NEDD4L: variants seen among roughly 807,000 people sequenced by gnomAD.
NEDD4L encodes the protein E3 ubiquitin-protein ligase NEDD4-like.
In NEDD4L, 54 loss-of-function variants were observed where a neutral mutation model predicts 148.9. That is an observed-to-expected ratio of 0.36 (90% CI 0.29 to 0.45). The LOEUF (loss-of-function observed/expected upper bound fraction) is 0.45. Among genes scored for constraint, NEDD4L ranks in the 20% least tolerant of loss-of-function variants. The pLI is 1.00. For missense variants in NEDD4L, 856 were observed against 1,233.8 expected (o/e 0.69, Z 4.59); for synonymous variants, 433 against 440.7 (o/e 0.98, Z 0.22).
intron 18 of NEDD4L, among the ~76,000 whole-genome samples, chr18:58,354,873 A>G (rs1390547084): frequency 6.6e-6 from 1 of 152,216 alleles, no homozygotes; most frequent in East Asian, 1.9e-4. Context: ...GATGACAAAC[A>G]CTGAGTAGGA....
chr18:58,126,770 G>C (rs1002545207), intron 1 of NEDD4L, among the ~76,000 whole-genome samples: 1 of 152,190 alleles, frequency 6.6e-6, no homozygotes, highest in Non-Finnish European at 1.5e-5. Flanking sequence ...CCAGCAGTCG[G>C]TTACCCTTTT....
chr18:58,293,399 T>G (rs995334825), intron 5 of NEDD4L, among the ~76,000 whole-genome samples: 53 of 152,242 alleles, frequency 3.5e-4, no homozygotes, highest in African/African-American at 1.3e-3. Context: ...TCTTCTGGAA[T>G]AGTAATAAAT....
intron 5 of NEDD4L, among the ~76,000 whole-genome samples, chr18:58,290,637 C>T (rs1224770036): frequency 1.3e-5 from 2 of 151,354 alleles, no homozygotes; most frequent in South Asian, 4.2e-4. Context: ...TGCAATGTCT[C>T]CTACAAATTA....
At chr18:58,171,704 C>G (rs1423549041) in intron 2 of NEDD4L, among the ~76,000 whole-genome samples, 1 of 152,184 alleles carries the variant, frequency 6.6e-6, no homozygotes, top group Non-Finnish European at 1.5e-5. Context: ...GTACTTTTTT[C>G]TCATTGTCAT....
At chr18:58,254,456 T>G (rs918029176) in intron 5 of NEDD4L, among the ~76,000 whole-genome samples, 16 of 151,832 alleles carry the variant, frequency 1.1e-4, no homozygotes, top group Non-Finnish European at 2.1e-4. Flanking sequence ...ATAGTAAGAT[T>G]CCATATTTGT....
chr18:58,063,869 T>C (rs1599013789), intron 1 of NEDD4L, among the ~76,000 whole-genome samples: 1 of 151,814 alleles, frequency 6.6e-6, no homozygotes, highest in Non-Finnish European at 1.5e-5. Flanking sequence ...GCAGTATTTT[T>C]AAGCTTCGGT....
chr18:58,368,237 C>T (rs903409016), intron 22 of NEDD4L, among the ~76,000 whole-genome samples: 11 of 128,266 alleles, frequency 8.6e-5, no homozygotes, highest in Admixed American at 3.0e-4. Context: ...GTGATTATTG[C>T]GTTTGTCCCC....
At chr18:58,114,154 C>CTT (rs1351761608) in intron 1 of NEDD4L, among the ~76,000 whole-genome samples, 1 of 152,136 alleles carries the variant, frequency 6.6e-6, no homozygotes, top group Non-Finnish European at 1.5e-5. Context: ...TTAAACAACT[C>CTT]TGAGTGACCC....
chr18:58,150,569 C>G (rs1030756231), intron 1 of NEDD4L, among the ~76,000 whole-genome samples: 5 of 150,878 alleles, frequency 3.3e-5, no homozygotes, highest in African/African-American at 1.2e-4. Context: ...ACTTTTGTTT[C>G]CTGTGCTTAA....
At chr18:58,119,095 C>A (rs1303938253) in intron 1 of NEDD4L, among the ~76,000 whole-genome samples, 1 of 152,214 alleles carries the variant, frequency 6.6e-6, no homozygotes, top group Non-Finnish European at 1.5e-5. Flanking sequence ...TCTCTTTAAT[C>A]CAAGCCAGTC....
At chr18:58,175,356 G>A (rs535377158) in intron 2 of NEDD4L, among the ~76,000 whole-genome samples, 1 of 152,326 alleles carries the variant, frequency 6.6e-6, no homozygotes, top group Admixed American at 6.5e-5. Flanking sequence ...TTGCTGACAC[G>A]TGGCCATGAG....
intron 5 of NEDD4L, among the ~76,000 whole-genome samples, chr18:58,257,587 C>T (rs1340794004): frequency 6.6e-6 from 1 of 152,120 alleles, no homozygotes; most frequent in African/African-American, 2.4e-5. Context: ...AGTAAGTACC[C>T]TGTCTCCAGC....
At chr18:58,275,123 T>C (rs1189308783) in intron 5 of NEDD4L, among the ~76,000 whole-genome samples, 1 of 152,262 alleles carries the variant, frequency 6.6e-6, no homozygotes, top group Non-Finnish European at 1.5e-5. Flanking sequence ...GAAGCCTTAC[T>C]GATAACTTAA....
intron 1 of NEDD4L, among the ~76,000 whole-genome samples, chr18:58,112,342 G>T (rs1250642678): frequency 6.6e-6 from 1 of 150,990 alleles, no homozygotes; most frequent in South Asian, 2.1e-4. Flanking sequence ...AGGAACTTAG[G>T]TGGTGGTTCC....
At chr18:58,289,453 G>A (rs1272442090) in intron 5 of NEDD4L, among the ~76,000 whole-genome samples, 2 of 152,186 alleles carry the variant, frequency 1.3e-5, no homozygotes, top group African/African-American at 2.4e-5. Flanking sequence ...AAGCTATTCC[G>A]TGTATTGACT....
At chr18:58,272,680 T>C (rs1372551366) in intron 5 of NEDD4L, among the ~76,000 whole-genome samples, 1 of 151,710 alleles carries the variant, frequency 6.6e-6, no homozygotes, top group African/African-American at 2.4e-5. Flanking sequence ...AAAGAATAAA[T>C]TAAGTCCAGA....
intron 5 of NEDD4L, among the ~76,000 whole-genome samples, chr18:58,258,042 C>T (rs1428754074): frequency 2.0e-5 from 3 of 152,180 alleles, no homozygotes; most frequent in Non-Finnish European, 4.4e-5. Context: ...CTTTATCACT[C>T]CTCCATCATT....
At chr18:58,323,848 G>C (rs2059069595) in intron 8 of NEDD4L, among the ~76,000 whole-genome samples, 2 of 152,132 alleles carry the variant, frequency 1.3e-5, no homozygotes, top group African/African-American at 4.8e-5. Flanking sequence ...AGAGCCGCCT[G>C]TATTTACCTT....
intron 16 of NEDD4L, among the ~76,000 whole-genome samples, chr18:58,348,594 A>C (rs753390845): frequency 1.4e-3 from 209 of 152,124 alleles, no homozygotes; most frequent in African/African-American, 4.7e-3. Context: ...GATTACAGGC[A>C]TGAGCCATCG....
Sources: gnomAD v4.1 joint callset for allele counts (sites outside exome capture counted in the v4.1 genomes callset) on GRCh38, gnomAD v4.1.1 for gene constraint, MANE v1.5 for transcripts, NCBI Gene and HGNC (gene_info 2026-07-23, HGNC 2026-07-21) for gene names.